ENTPD7: variants seen among roughly 807,000 people sequenced by gnomAD.
The protein encoded by ENTPD7 is ectonucleoside triphosphate diphosphohydrolase 7.
In ENTPD7, 53 loss-of-function variants were observed where a neutral mutation model predicts 77.9. That is an observed-to-expected ratio of 0.68 (90% CI 0.55 to 0.85). The LOEUF (loss-of-function observed/expected upper bound fraction) is 0.85. ENTPD7 is among the 40% of genes least tolerant of loss of function. The pLI, the probability that ENTPD7 is intolerant of heterozygous loss-of-function variation, is 0.00. For synonymous variants in ENTPD7, 248 were observed against 274.9 expected (o/e 0.90, Z 0.97); for missense variants, 636 against 743.7 (o/e 0.86, Z 1.68).
intron 8 of ENTPD7, among the ~76,000 whole-genome samples, chr10:99,692,346 G>A (rs2133481481): frequency 6.6e-6 from 1 of 152,312 alleles, no homozygotes; most frequent in Admixed American, 6.5e-5. Flanking sequence ...AATCAAAAGT[G>A]TCTCCAGACA....
rs74152717 is a variant in ENTPD7 at position 99,697,620 on chromosome 10, A to T, written c.1011-914A>T. The T allele has an allele frequency of 1.4e-3, 213 of 155,656 alleles. 1 individual carries two copies. Among genetic ancestry groups the T allele is most frequent in the African/African-American group, 5.0e-3 (208 of 41,658 alleles). The allele number at this position is 155,656 out of a possible 1,614,324, so 9.6% of individuals were successfully genotyped here. On this transcript the variant is annotated intron_variant, in intron 9 of 12. Transcript: ENST00000370489. The stretch of plus-strand genomic sequence containing the variant: ...GGCAAAATGATCATTGTCTCTTCTC[A>T]ATAACAATTTTCTGAGTTTTCCTTA...
chr10:99,698,633 C>T lies in ENTPD7; in HGVS notation c.1110C>T (p.Val370=). 1 of 1,614,202 alleles carries T rather than the reference C, an allele frequency of 6.2e-7. No homozygotes were observed. The highest frequency in any genetic ancestry group is 8.5e-7 in the Non-Finnish European group (1 of 1,180,042). The change falls in exon 10 of 13, where the codon GTC becomes GTT. Residue 370 remains valine (V), a synonymous_variant. Coordinates refer to ENST00000370489, the MANE Select transcript of ENTPD7 (RefSeq NM_020354.5). ...LTDVVERNSQ[V]LHVRGRGDWV... ...ATGTGGTGGAGAGGAACAGCCAAGT[C>T]TTACATGTCCGAGGAAGAGGAGACT... is the stretch of plus-strand genomic sequence containing the variant.
chr10:99,670,336 G>A (rs2035605311), intron 3 of ENTPD7, among the ~76,000 whole-genome samples: 1 of 152,208 alleles, frequency 6.6e-6, no homozygotes, highest in African/African-American at 2.4e-5. Context: ...ATGGGACAGT[G>A]CAGATAGAGA....
intron 7 of ENTPD7, among the ~76,000 whole-genome samples, chr10:99,690,675 T>A (rs1400346202): frequency 9.9e-5 from 15 of 152,130 alleles, no homozygotes; most frequent in Admixed American, 9.8e-4. Context: ...CCTGAGTAGT[T>A]GGGATTACAG....
chr10:99,689,319 A>G (rs1280980729), intron 7 of ENTPD7, among the ~76,000 whole-genome samples: 1 of 152,130 alleles, frequency 6.6e-6, no homozygotes, highest in Non-Finnish European at 1.5e-5. Context: ...AGGGTCATGC[A>G]TTGCATTTGA....
intron 5 of ENTPD7, among the ~76,000 whole-genome samples, chr10:99,684,765 C>T (rs2035792250): frequency 6.6e-6 from 1 of 152,020 alleles, no homozygotes; most frequent in Admixed American, 6.6e-5. Flanking sequence ...TCTTTGCTTT[C>T]CTTTGCTTGA....
chr10:99,681,754 T>C (rs1353426781), intron 5 of ENTPD7, among the ~76,000 whole-genome samples: 4 of 152,200 alleles, frequency 2.6e-5, no homozygotes, highest in Non-Finnish European at 4.4e-5. Flanking sequence ...TGATATGTCA[T>C]CGGGGTTTTG....
chr10:99,706,548 T>C lies in ENTPD7; in HGVS notation c.*1865T>C, dbSNP rs4919387. Among the ~76,000 whole-genome samples, 17,215 of 151,880 alleles carry C rather than the reference T, an allele frequency of 0.11. 1,170 individuals carry two copies. Among genetic ancestry groups the C allele is most frequent in the East Asian group, 0.31 (1,593 of 5,142 alleles). On this transcript the variant is annotated 3_prime_UTR_variant, in exon 13 of 13. Coordinates refer to ENST00000370489, the MANE Select transcript of ENTPD7 (RefSeq NM_020354.5). The stretch of plus-strand genomic sequence containing the variant: ...GAGATGGAGTCTGTGTTGTCCAGGC[T>C]GGTCTCAAACTCTTGGGCTCAAGCA...
chr10:99,693,890 C>A (rs1267043490), intron 8 of ENTPD7, among the ~76,000 whole-genome samples: 3 of 151,742 alleles, frequency 2.0e-5, no homozygotes, highest in African/African-American at 4.8e-5. Context: ...TGCATTCCAG[C>A]CTGGGTGACA....
intron 6 of ENTPD7, among the ~76,000 whole-genome samples, chr10:99,686,989 C>G (rs1299997153): frequency 1.4e-5 from 2 of 143,762 alleles, no homozygotes; most frequent in Non-Finnish European, 3.0e-5. Flanking sequence ...GTGATCTCTG[C>G]TTACTGCAAT....
intron 3 of ENTPD7, among the ~76,000 whole-genome samples, chr10:99,676,064 T>C (rs1381660475): frequency 6.6e-6 from 1 of 152,090 alleles, no homozygotes; most frequent in South Asian, 2.1e-4. Flanking sequence ...AATTGAAAAT[T>C]GAAATTTTTC....
chr10:99,678,464 T>C (rs1479914687), intron 3 of ENTPD7, among the ~76,000 whole-genome samples: 3 of 149,678 alleles, frequency 2.0e-5, no homozygotes, highest in Non-Finnish European at 3.0e-5. Flanking sequence ...CGAGACTCCA[T>C]CTCAAAAAAA....
Position 99,708,430 on chromosome 10 carries a change from T to C in ENTPD7, c.*3747T>C, listed in dbSNP as rs1254431688. Among the ~76,000 whole-genome samples, 3 of 152,190 alleles carry C rather than the reference T, an allele frequency of 2.0e-5. No homozygotes were observed. The highest frequency in any genetic ancestry group is 7.2e-5 in the African/African-American group (3 of 41,452). ...GGGAAAGAACAGTAGGCTTAACGAA[T>C]AGCAGACCTGGATTCTAGTTCTGGC... is the stretch of plus-strand genomic sequence containing the variant. On this transcript the variant is annotated 3_prime_UTR_variant, in exon 13 of 13. Transcript: ENST00000370489.
intron 2 of ENTPD7, chr10:99,660,560 ACAG>A (rs1319059436): frequency 3.1e-6 from 1 of 321,830 alleles, no homozygotes; most frequent in Non-Finnish European, 6.2e-6. Flanking sequence ...ACACACACAC[ACAG>A]AGATATATTA....
At chr10:99,691,035 A>G (rs1358263139) in intron 7 of ENTPD7, among the ~76,000 whole-genome samples, 1 of 152,098 alleles carries the variant, frequency 6.6e-6, no homozygotes, top group Admixed American at 6.6e-5. Flanking sequence ...CACTGAGGCT[A>G]GAGTTTAGTG....
intron 10 of ENTPD7, among the ~76,000 whole-genome samples, chr10:99,700,395 T>C (rs2133511757): frequency 4.2e-5 from 1 of 23,722 alleles, no homozygotes; most frequent in Non-Finnish European, 8.3e-5. Flanking sequence ...CAACGTACCG[T>C]GTGTGTGTGT....
intron 6 of ENTPD7, among the ~76,000 whole-genome samples, chr10:99,687,266 T>C (rs1401447486): frequency 1.0e-5 from 1 of 97,964 alleles, no homozygotes; most frequent in African/African-American, 4.0e-5. Flanking sequence ...TTTCTTTTTT[T>C]TTTTTTTTTT....
intron 3 of ENTPD7, among the ~76,000 whole-genome samples, chr10:99,666,864 A>G (rs1369960980): frequency 2.6e-5 from 4 of 152,236 alleles, no homozygotes. Flanking sequence ...CTCACGGTAT[A>G]CTTTCTACTG....
At chr10:99,675,131 AT>A (rs773394631) in intron 3 of ENTPD7, among the ~76,000 whole-genome samples, 5 of 152,234 alleles carry the variant, frequency 3.3e-5, no homozygotes, top group Non-Finnish European at 5.9e-5. Context: ...TTTTATAGAC[AT>A]TTCCTTGAAA....
Sources: allele counts gnomAD v4.1 joint callset (sites outside exome capture counted in the v4.1 genomes callset), GRCh38; gene constraint gnomAD v4.1.1; transcripts MANE v1.5; gene names NCBI Gene and HGNC (gene_info 2026-07-23, HGNC 2026-07-21).